The following SNX29 variants were observed in gnomAD, a reference collection of about 807,000 sequenced individuals.
The protein encoded by SNX29 is sorting nexin 29.
Under a neutral mutation model 102.1 loss-of-function variants are expected in SNX29, and 78 were observed. The ratio of observed to expected loss-of-function variants is 0.76; its 90% CI spans 0.64 to 0.92. The LOEUF (loss-of-function observed/expected upper bound fraction) is 0.92, where lower values mean the gene tolerates loss of function less well. Ranked by LOEUF, SNX29 falls within the 40% of genes least tolerant of loss-of-function variation. The pLI is 0.00. For missense variants in SNX29, 1,280 were observed against 1,061.7 expected, an observed-to-expected ratio of 1.21 and a Z score of -2.86; for synonymous variants, 580 against 414.5, an observed-to-expected ratio of 1.40 and a Z score of -4.85.
intron 19 of SNX29, among the ~76,000 whole-genome samples, chr16:12,500,393 G>C (rs963012327): frequency 6.6e-6 from 1 of 152,140 alleles, no homozygotes; most frequent in Non-Finnish European, 1.5e-5. Flanking sequence ...CTGGCCCCAG[G>C]TACACAGTGA....
At chr16:12,305,168 C>CTG (rs1416349112) in intron 15 of SNX29, among the ~76,000 whole-genome samples, 2 of 152,166 alleles carry the variant, frequency 1.3e-5, no homozygotes, top group Non-Finnish European at 1.5e-5. Context: ...TGCATGCAGT[C>CTG]TGTGTATATA....
chr16:12,042,494 A>G (rs1033840609), intron 4 of SNX29, among the ~76,000 whole-genome samples: 1 of 151,982 alleles, frequency 6.6e-6, no homozygotes, highest in African/African-American at 2.4e-5. Flanking sequence ...TACTCTCTCT[A>G]GCAGCCCCCA....
chr16:12,435,216 T>A (rs1203903039), intron 18 of SNX29, among the ~76,000 whole-genome samples: 1 of 152,068 alleles, frequency 6.6e-6, no homozygotes, highest in East Asian at 1.9e-4. Context: ...ATTCCTCCCA[T>A]CCCAAGAAAT....
chr16:12,396,751 C>T (rs1342525032), intron 16 of SNX29, among the ~76,000 whole-genome samples: 1 of 152,106 alleles, frequency 6.6e-6, no homozygotes, highest in Non-Finnish European at 1.5e-5. Flanking sequence ...GAGTGAAATG[C>T]ATGGAGTGGG....
At chr16:12,269,432 A>G (rs2079026971) in intron 14 of SNX29, among the ~76,000 whole-genome samples, 1 of 152,184 alleles carries the variant, frequency 6.6e-6, no homozygotes, top group Non-Finnish European at 1.5e-5. Flanking sequence ...GTGCTATGTA[A>G]ATTGAAGCAG....
At chr16:12,556,697 G>A (rs962552768) in intron 20 of SNX29, among the ~76,000 whole-genome samples, 12 of 152,266 alleles carry the variant, frequency 7.9e-5, no homozygotes, top group African/African-American at 2.6e-4. Flanking sequence ...GGAGGCAGAA[G>A]CCAAAGGCCA....
At chr16:12,251,788 C>T (rs2078430677) in intron 14 of SNX29, among the ~76,000 whole-genome samples, 1 of 151,816 alleles carries the variant, frequency 6.6e-6, no homozygotes, top group South Asian at 2.1e-4. Flanking sequence ...GAGACAGTGT[C>T]TTGCTCTGTC....
chr16:12,142,610 G>A (rs1057470853), intron 13 of SNX29, among the ~76,000 whole-genome samples: 2 of 152,182 alleles, frequency 1.3e-5, no homozygotes, highest in African/African-American at 2.4e-5. Flanking sequence ...TGTTGCCCAG[G>A]CTGGAGTGCA....
chr16:12,204,484 G>A (rs1596500046), intron 14 of SNX29, among the ~76,000 whole-genome samples: 1 of 152,152 alleles, frequency 6.6e-6, no homozygotes, highest in Non-Finnish European at 1.5e-5. Context: ...AACTGTTCAT[G>A]GCCACCATAG....
intron 11 of SNX29, chr16:12,087,874 C>T (rs576866576): frequency 1.3e-5 from 6 of 456,704 alleles, no homozygotes; most frequent in African/African-American, 2.0e-5. Context: ...GTTTTGTGTT[C>T]GATAGGCTAA....
At chr16:12,103,444 G>C (rs371661645) in intron 11 of SNX29, among the ~76,000 whole-genome samples, 1 of 152,178 alleles carries the variant, frequency 6.6e-6, no homozygotes, top group South Asian at 2.1e-4. Context: ...AATGGGGAAA[G>C]GATTCCCTAT....
intron 15 of SNX29, among the ~76,000 whole-genome samples, chr16:12,311,083 A>G (rs2080525306): frequency 6.6e-6 from 1 of 152,378 alleles, no homozygotes; most frequent in East Asian, 1.9e-4. Flanking sequence ...AAAGAAAGTT[A>G]TAAGTGAGGG....
chr16:12,406,110 G>T (rs988973916), intron 18 of SNX29, among the ~76,000 whole-genome samples: 1 of 151,856 alleles, frequency 6.6e-6, no homozygotes. Context: ...AAAAAAGAAT[G>T]ATAAAAGAGA....
At position 12,046,391 on chromosome 16, in the gene SNX29, T is replaced by A; in HGVS notation, c.436T>A (p.Tyr146Asn). The part of the protein sequence containing the change: ...LADRCRLSTF[Y>N]EDWSFVMDEE... ...TTCTCTTTCAATCTGCAGCACTTTTTATGAAGACTGGTCTTTTGTGATGGA... is the reference window on the plus strand; with the variant it reads ...TTCTCTTTCAATCTGCAGCACTTTTAATGAAGACTGGTCTTTTGTGATGGA... The change falls in exon 6 of 21, where the codon TAT (tyrosine) becomes AAT (asparagine). Residue 146 changes from tyrosine to asparagine, a missense_variant. By Grantham distance (143) the Tyr-to-Asn change is moderately radical. Coordinates refer to ENST00000566228, the MANE Select transcript of SNX29 (RefSeq NM_032167.5). The A allele has an allele frequency of 6.2e-7, 1 of 1,613,718 alleles. No individual in the cohort carries two copies. Among genetic ancestry groups the A allele is most frequent in the Non-Finnish European group, 8.5e-7 (1 of 1,179,678 alleles).
intron 20 of SNX29, among the ~76,000 whole-genome samples, chr16:12,555,054 G>T (rs1340661569): frequency 6.6e-6 from 1 of 151,616 alleles, no homozygotes; most frequent in East Asian, 1.9e-4. Context: ...GCCTCAAGAG[G>T]CTGGTTGGAG....
chr16:12,481,554 A>ACACACACC (rs1555549559), intron 19 of SNX29, among the ~76,000 whole-genome samples: 3 of 117,670 alleles, frequency 2.5e-5, no homozygotes, highest in African/African-American at 3.8e-5. Context: ...ACACACACAC[A>ACACACACC]CCCCAAATGT....
intron 18 of SNX29, among the ~76,000 whole-genome samples, chr16:12,449,256 A>C (rs140388920): frequency 1.3e-5 from 2 of 151,964 alleles, no homozygotes; most frequent in Non-Finnish European, 2.9e-5. Context: ...GAGACCAGGG[A>C]AGGATGTTGC....
At chr16:12,148,803 T>G (rs1243761040) in intron 13 of SNX29, among the ~76,000 whole-genome samples, 1 of 152,192 alleles carries the variant, frequency 6.6e-6, no homozygotes, top group East Asian at 1.9e-4. Context: ...GTTCAAGTGA[T>G]TCTGCTGCCT....
intron 3 of SNX29, 41 bp from the exon 4 acceptor site, chr16:12,027,279 C>T (rs1206059231): frequency 1.2e-6 from 2 of 1,609,858 alleles, no homozygotes; most frequent in Non-Finnish European, 8.5e-7. Flanking sequence ...GTTGCTACTC[C>T]CTTTTCTGGG....
Sources: gnomAD v4.1 joint callset for allele counts (sites outside exome capture counted in the v4.1 genomes callset) on GRCh38, gnomAD v4.1.1 for gene constraint, MANE v1.5 for transcripts, NCBI Gene and HGNC (gene_info 2026-07-23, HGNC 2026-07-21) for gene names.